The following SLC24A2 variants were observed in gnomAD, a reference collection of about 807,000 sequenced individuals.
SLC24A2 encodes solute carrier family 24 member 2, also known as sodium/potassium/calcium exchanger 2.
Under a neutral mutation model 62.0 loss-of-function variants are expected in SLC24A2, and 36 were observed. The observed-to-expected ratio is 0.58, with a 90% confidence interval of 0.44 to 0.77. The LOEUF is 0.77. SLC24A2 is among the 30% of genes least tolerant of loss of function. SLC24A2 has a pLI of 0.00. For missense variants in SLC24A2, 846 were observed against 817.9 expected (o/e 1.03, Z -0.42); for synonymous variants, 358 against 294.0 (o/e 1.22, Z -2.23).
the SLC24A2 span, among the ~76,000 whole-genome samples, chr9:20,107,920 G>A: frequency 6.6e-6 from 1 of 152,088 alleles, no homozygotes; most frequent in African/African-American, 2.4e-5. Context: ...CCTACAAAAT[G>A]GGAGAAAATT....
chr9:19,541,190 CCTT>C (rs1350129532), intron 8 of SLC24A2, among the ~76,000 whole-genome samples: 2 of 136,654 alleles, frequency 1.5e-5, no homozygotes, highest in African/African-American at 5.6e-5. Flanking sequence ...TCGTCTGAAG[CCTT>C]CTTCTCTCAG....
chr9:20,052,769 T>C, the SLC24A2 span, among the ~76,000 whole-genome samples: 1 of 152,220 alleles, frequency 6.6e-6, no homozygotes, highest in Non-Finnish European at 1.5e-5. Flanking sequence ...AAATGTAGAC[T>C]CTTATTCAGA....
chr9:19,803,898 C>T, the SLC24A2 span, among the ~76,000 whole-genome samples: 1 of 151,880 alleles, frequency 6.6e-6, no homozygotes, highest in African/African-American at 2.4e-5. Context: ...AATTCATATC[C>T]CATTAAATTC....
the SLC24A2 span, among the ~76,000 whole-genome samples, chr9:20,287,308 C>G: frequency 6.6e-6 from 1 of 152,316 alleles, no homozygotes; most frequent in South Asian, 2.1e-4. Context: ...GGCAAACATT[C>G]ATCTCATTGG....
At position 19,520,128 on chromosome 9, in the gene SLC24A2, G is replaced by C. The variant is rs144662001; in HGVS notation, c.1736+766C>G. On this transcript the variant is annotated intron_variant, in intron 10 of 10. Transcript: ENST00000341998. ...GAACAATATTTAAGATATTCAATGA[G>C]AAAGTAGGTGTTTTTAGTGAGGTTC... 6.5e-3 allele frequency among the ~76,000 whole-genome samples: 993 copies of C among 152,314 alleles called. 10 individuals are homozygous for C. Among genetic ancestry groups the C allele is most frequent in the African/African-American group, 0.023 (937 of 41,564 alleles).
chr9:19,544,769 C>G (rs1357505381), intron 8 of SLC24A2, among the ~76,000 whole-genome samples: 1 of 152,228 alleles, frequency 6.6e-6, no homozygotes, highest in Non-Finnish European at 1.5e-5. Flanking sequence ...TCTCTTCTAG[C>G]TTGTAAGGTT....
chr9:19,820,533 A>T, the SLC24A2 span, among the ~76,000 whole-genome samples: 1 of 151,568 alleles, frequency 6.6e-6, no homozygotes, highest in African/African-American at 2.4e-5. Context: ...AAAAAGTTTT[A>T]AAAAATAAAA....
the SLC24A2 span, among the ~76,000 whole-genome samples, chr9:20,016,281 A>T: frequency 6.6e-6 from 1 of 152,232 alleles, no homozygotes; most frequent in Non-Finnish European, 1.5e-5. Flanking sequence ...TAGGAAAAAC[A>T]TGAAAATGTA....
the SLC24A2 span, among the ~76,000 whole-genome samples, chr9:20,223,904 G>C: frequency 2.6e-5 from 4 of 152,054 alleles, no homozygotes; most frequent in African/African-American, 9.7e-5. Context: ...TGGCTGAGGA[G>C]GCCTCAGGAA....
chr9:20,079,485 C>T, the SLC24A2 span, among the ~76,000 whole-genome samples: 1 of 152,180 alleles, frequency 6.6e-6, no homozygotes, highest in Non-Finnish European at 1.5e-5. Flanking sequence ...TGTTTTCCCA[C>T]TTATTTTTTC....
At chr9:19,754,863 T>C (rs994640291) in intron 2 of SLC24A2, among the ~76,000 whole-genome samples, 7 of 152,074 alleles carry the variant, frequency 4.6e-5, no homozygotes, top group African/African-American at 7.2e-5. Context: ...AGTTTTACAG[T>C]GAGGTCCGAG....
At chr9:20,281,295 G>C in the SLC24A2 span, among the ~76,000 whole-genome samples, 1 of 152,194 alleles carries the variant, frequency 6.6e-6, no homozygotes, top group African/African-American at 2.4e-5. Context: ...TACTTTTTAA[G>C]GAAACTATAA....
chr9:19,778,701 G>A (rs1822918410), intron 2 of SLC24A2, among the ~76,000 whole-genome samples: 1 of 152,162 alleles, frequency 6.6e-6, no homozygotes. Context: ...TGACAGGAGA[G>A]CAATCCTCTC....
At chr9:20,298,291 G>T in the SLC24A2 span, among the ~76,000 whole-genome samples, 1 of 151,818 alleles carries the variant, frequency 6.6e-6, no homozygotes, top group Non-Finnish European at 1.5e-5. Context: ...GTGCAGCAGA[G>T]CTATCTCGGC....
At chr9:19,667,625 C>A (rs1222147113) in intron 2 of SLC24A2, among the ~76,000 whole-genome samples, 1 of 152,124 alleles carries the variant, frequency 6.6e-6, no homozygotes, top group East Asian at 1.9e-4. Context: ...TTCTAAATTG[C>A]CCCATTCTTC....
At chr9:19,833,580 A>G in the SLC24A2 span, among the ~76,000 whole-genome samples, 2 of 152,242 alleles carry the variant, frequency 1.3e-5, no homozygotes, top group Non-Finnish European at 2.9e-5. Context: ...GCAGCAGGGA[A>G]GCTTGAACTG....
chr9:19,584,855 C>G (rs1836321677), intron 5 of SLC24A2, among the ~76,000 whole-genome samples: 1 of 152,040 alleles, frequency 6.6e-6, no homozygotes, highest in South Asian at 2.1e-4. Context: ...ATGATGCAAA[C>G]TACTTATTAC....
chr9:20,058,799 G>T, the SLC24A2 span, among the ~76,000 whole-genome samples: 2 of 152,196 alleles, frequency 1.3e-5, no homozygotes, highest in Non-Finnish European at 2.9e-5. Flanking sequence ...ACATGCATAC[G>T]TATGTGTGTA....
chr9:19,699,045 G>A (rs1279337175), intron 2 of SLC24A2, among the ~76,000 whole-genome samples: 1 of 152,112 alleles, frequency 6.6e-6, no homozygotes, highest in Non-Finnish European at 1.5e-5. Context: ...ACCAGGAATG[G>A]GGACTACAAA....
Sources: allele counts gnomAD v4.1 joint callset (sites outside exome capture counted in the v4.1 genomes callset), GRCh38; gene constraint gnomAD v4.1.1; transcripts MANE v1.5; gene names NCBI Gene and HGNC (gene_info 2026-07-23, HGNC 2026-07-21).